Variants in PVT1 observed in about 807,000 individuals in gnomAD.
The protein encoded by PVT1 is CXCR4/PVT1 fusion.
At chr8:128,056,513 G>A (rs2648871) in intron 4 of PVT1, among the ~76,000 whole-genome samples, 13,265 of 152,086 alleles carry the variant, frequency 0.087, 824 homozygotes, top group East Asian at 0.22. Context: ...GCCTGTACAC[G>A]AGTCCCAGGC....
chr8:128,078,337 T>G (rs528079971), intron 5 of PVT1, among the ~76,000 whole-genome samples: 1 of 152,316 alleles, frequency 6.6e-6, no homozygotes, highest in African/African-American at 2.4e-5. Flanking sequence ...TATTTCTCAT[T>G]TTTCTTTGCA....
chr8:128,063,772 G>A (rs1022305580), intron 4 of PVT1, among the ~76,000 whole-genome samples: 1 of 152,140 alleles, frequency 6.6e-6, no homozygotes, highest in Non-Finnish European at 1.5e-5. Flanking sequence ...GGAGGAATAA[G>A]TTCAAGAAGT....
At chr8:127,897,755 C>T (rs535306325) in intron 3 of PVT1, among the ~76,000 whole-genome samples, 11 of 146,252 alleles carry the variant, frequency 7.5e-5, no homozygotes, top group Non-Finnish European at 1.5e-4. Flanking sequence ...ATTATTCTGT[C>T]CTCTGAACCT....
chr8:128,074,549 T>A (rs1223721647), intron 5 of PVT1, among the ~76,000 whole-genome samples: 1 of 151,576 alleles, frequency 6.6e-6, no homozygotes, highest in Non-Finnish European at 1.5e-5. Flanking sequence ...GGGGGGCTCC[T>A]TCCCACTCAT....
intron 3 of PVT1, among the ~76,000 whole-genome samples, chr8:127,922,722 G>A (rs1193977456): frequency 5.3e-5 from 8 of 152,188 alleles, no homozygotes; most frequent in Admixed American, 5.2e-4. Flanking sequence ...AGGCTTAGGC[G>A]AGGTCCTGCA....
chr8:127,915,229 T>G (rs936508982), intron 3 of PVT1, among the ~76,000 whole-genome samples: 4 of 152,208 alleles, frequency 2.6e-5, no homozygotes, highest in African/African-American at 9.7e-5. Flanking sequence ...TCACTGATTT[T>G]GTACACTTTA....
At chr8:127,877,683 G>C (rs1286182922) in intron 2 of PVT1, among the ~76,000 whole-genome samples, 1 of 152,156 alleles carries the variant, frequency 6.6e-6, no homozygotes. Flanking sequence ...ACAGGGACCA[G>C]TATAAACTCT....
chr8:128,054,910 G>A (rs1813745538), intron 4 of PVT1, among the ~76,000 whole-genome samples: 1 of 152,162 alleles, frequency 6.6e-6, no homozygotes, highest in Non-Finnish European at 1.5e-5. Context: ...AGCAGACGTT[G>A]AGTAGAGCAC....
chr8:127,986,225 G>A (rs1370523447), intron 3 of PVT1, among the ~76,000 whole-genome samples: 1 of 152,176 alleles, frequency 6.6e-6, no homozygotes, highest in Non-Finnish European at 1.5e-5. Context: ...TATTCTGCTG[G>A]CAGAGAGGAG....
intron 3 of PVT1, among the ~76,000 whole-genome samples, chr8:127,983,195 G>A (rs1174313177): frequency 6.6e-6 from 1 of 152,180 alleles, no homozygotes; most frequent in Admixed American, 6.5e-5. Flanking sequence ...TGGATGGCTC[G>A]GATGTGGCCT....
At chr8:128,044,209 A>G (rs1813584835) in intron 4 of PVT1, among the ~76,000 whole-genome samples, 1 of 114,934 alleles carries the variant, frequency 8.7e-6, no homozygotes, top group Non-Finnish European at 1.9e-5. Context: ...CCCACCTCGC[A>G]CCTCCATCTC....
At chr8:127,802,751 G>A (rs1814479713) in intron 2 of PVT1, among the ~76,000 whole-genome samples, 1 of 152,192 alleles carries the variant, frequency 6.6e-6, no homozygotes, top group Non-Finnish European at 1.5e-5. Flanking sequence ...GTGTTCTGCC[G>A]TGAATGAGAA....
chr8:127,959,064 G>C (rs1816605641), intron 3 of PVT1, among the ~76,000 whole-genome samples: 1 of 152,124 alleles, frequency 6.6e-6, no homozygotes. Context: ...GGGGTAGGTG[G>C]GCTCAGGCCT....
intron 4 of PVT1, among the ~76,000 whole-genome samples, chr8:128,019,202 A>AT (rs1817406601): frequency 1.3e-5 from 2 of 152,254 alleles, no homozygotes. Context: ...AAAATGAGGA[A>AT]TTACAGCCTG....
At chr8:128,042,571 TGAA>T (rs759393860) in intron 4 of PVT1, among the ~76,000 whole-genome samples, 32 of 152,170 alleles carry the variant, frequency 2.1e-4, no homozygotes, top group East Asian at 1.9e-4. Context: ...TAATTGGTCC[TGAA>T]GAAGAAGGAG....
chr8:128,059,480 GAAT>G (rs1210207965), intron 4 of PVT1, among the ~76,000 whole-genome samples: 1 of 152,160 alleles, frequency 6.6e-6, no homozygotes, highest in Non-Finnish European at 1.5e-5. Flanking sequence ...GAGAGAAGAA[GAAT>G]ATTTTGTGAT....
chr8:127,820,771 G>T (rs187863229), intron 2 of PVT1, among the ~76,000 whole-genome samples: 1 of 151,856 alleles, frequency 6.6e-6, no homozygotes, highest in Middle Eastern at 3.2e-3. Context: ...ATGCAGTGGC[G>T]CGATCTTGGC....
intron 4 of PVT1, among the ~76,000 whole-genome samples, chr8:128,002,171 A>G (rs1817184894): frequency 6.6e-6 from 1 of 152,206 alleles, no homozygotes; most frequent in East Asian, 1.9e-4. Flanking sequence ...CTGAATGCAT[A>G]AATGAGTGAA....
chr8:127,964,413 G>A (rs1451591843), intron 3 of PVT1, among the ~76,000 whole-genome samples: 2 of 152,216 alleles, frequency 1.3e-5, no homozygotes, highest in African/African-American at 2.4e-5. Context: ...GGAGGTCCTC[G>A]GAAGGGTTCT....
Sources: gnomAD v4.1 joint callset for allele counts (sites outside exome capture counted in the v4.1 genomes callset) on GRCh38, gnomAD v4.1.1 for gene constraint, MANE v1.5 for transcripts, NCBI Gene and HGNC (gene_info 2026-07-23, HGNC 2026-07-21) for gene names.